The following SLC27A1 variants were observed in gnomAD, a reference collection of about 807,000 sequenced individuals.
SLC27A1 encodes the protein solute carrier family 27 member 1, also known as long-chain fatty acid transport protein 1.
SLC27A1 carries 61 observed loss-of-function variants against 62.2 expected under a neutral mutation model. That is an observed-to-expected ratio of 0.98 (90% CI 0.80 to 1.21). SLC27A1 has a LOEUF of 1.21. Among genes scored for constraint, SLC27A1 ranks in the 50% most tolerant of loss-of-function variants. The probability of loss-of-function intolerance (pLI) is 0.00; values close to 1 mark genes in which losing one functional copy is unlikely to be tolerated. For missense variants in SLC27A1, 903 were observed against 932.1 expected (o/e 0.97, Z 0.41); for synonymous variants, 435 against 408.6 (o/e 1.06, Z -0.78).
chr19:17,470,149 G>T (rs921206010), upstream of SLC27A1, among the ~76,000 whole-genome samples: 14 of 152,136 alleles, frequency 9.2e-5, no homozygotes, highest in Middle Eastern at 3.4e-3. Flanking sequence ...GACAGTGACC[G>T]ACAAGGTGGA....
At chr19:17,489,256 T>G in intron 6 of SLC27A1, 139 bp downstream of exon 6, 1 of 675,694 alleles carries the variant, frequency 1.5e-6, no homozygotes, top group South Asian at 1.9e-5. Context: ...GGTCCCGTCC[T>G]CTCCCAGCCA....
chr19:17,469,908 G>A (rs1016030444), upstream of SLC27A1, among the ~76,000 whole-genome samples: 1 of 147,288 alleles, frequency 6.8e-6, no homozygotes, highest in African/African-American at 2.5e-5. Flanking sequence ...ATTGCGGGGG[G>A]GTGGGGAGGC....
chr19:17,504,909 T>C lies in SLC27A1; in HGVS notation c.*297T>C. ...TTTTCTTTCTTTCTTTCTTTTTTTTTTAAGATAGAGTCTCACTCTGCTGCC... is the reference window on the plus strand; with the variant it reads ...TTTTCTTTCTTTCTTTCTTTTTTTTCTAAGATAGAGTCTCACTCTGCTGCC... On this transcript the variant is annotated 3_prime_UTR_variant, in exon 12 of 12. Coordinates refer to ENST00000252595, the MANE Select transcript of SLC27A1 (RefSeq NM_198580.3). The C allele has an allele frequency of 1.8e-6, 1 of 543,112 alleles. No homozygotes were observed. The allele number at this position is 543,112 out of a possible 1,614,324, so 33.6% of individuals were successfully genotyped here.
At chr19:17,484,631 G>A (rs2075211032) in intron 1 of SLC27A1, among the ~76,000 whole-genome samples, 1 of 152,084 alleles carries the variant, frequency 6.6e-6, no homozygotes, top group Admixed American at 6.6e-5. Context: ...ATGACGGAGG[G>A]AGGGAAAGAG....
At chr19:17,488,315 G>A (rs562261817) in intron 4 of SLC27A1, among the ~76,000 whole-genome samples, 32 of 152,160 alleles carry the variant, frequency 2.1e-4, no homozygotes, top group Non-Finnish European at 4.3e-4. Flanking sequence ...CTGAGATCCC[G>A]CCACTGCACT....
At chr19:17,487,553 C>A (rs777348834) in intron 4 of SLC27A1, 24 bp downstream of exon 4, 4 of 1,606,450 alleles carry the variant, frequency 2.5e-6, no homozygotes, top group Non-Finnish European at 1.7e-6. Context: ...AGGCATAATG[C>A]CCTCAGCCGC....
At chr19:17,480,851 C>T (rs1431054000) in intron 1 of SLC27A1, among the ~76,000 whole-genome samples, 1 of 151,638 alleles carries the variant, frequency 6.6e-6, no homozygotes, top group Non-Finnish European at 1.5e-5. Context: ...TTCCCAGTGT[C>T]TGTTGTTCCC....
intron 1 of SLC27A1, among the ~76,000 whole-genome samples, chr19:17,480,541 C>CTTTTTTTTTTTTTTTTTT (rs3079223): frequency 8.9e-6 from 1 of 111,818 alleles, no homozygotes; most frequent in Admixed American, 1.1e-4. Flanking sequence ...TAATTTTTTT[C>CTTTTTTTTTTTTTTTTTT]TTTTTTTTTT....
chr19:17,485,250 C>T (rs2075217921), intron 1 of SLC27A1, among the ~76,000 whole-genome samples: 2 of 128,566 alleles, frequency 1.6e-5, no homozygotes, highest in Non-Finnish European at 3.1e-5. Context: ...AGTGAATTTG[C>T]GTGATCTCGG....
In SLC27A1 at chr19:17,495,036, G is replaced by A. The variant is rs187586527; in HGVS notation, c.997-2219G>A. ...TCCCCAGGCTGGAGTACAATAGAGC[G>A]ATCTTGGCTTACTGCAACCTCTGCC... On this transcript the variant is annotated intron_variant, in intron 6 of 11. Coordinates refer to ENST00000252595, the MANE Select transcript of SLC27A1 (RefSeq NM_198580.3). Among the ~76,000 whole-genome samples the A allele has an allele frequency of 2.8e-3, 425 of 151,182 alleles. 3 individuals carry two copies. The highest frequency in any genetic ancestry group is 9.8e-3 in the African/African-American group (401 of 41,014).
Position 17,504,491 on chromosome 19 carries a change from A to AG in SLC27A1, c.1823dup (p.Phe609LeufsTer2). The AG allele has an allele frequency of 6.2e-7, 1 of 1,614,162 alleles. No individual in the cohort carries two copies. Among genetic ancestry groups the AG allele is most frequent in the Non-Finnish European group, 8.5e-7 (1 of 1,180,024 alleles). On this transcript the variant is annotated frameshift_variant, in exon 12 of 12. Coordinates refer to ENST00000252595, the MANE Select transcript of SLC27A1 (RefSeq NM_198580.3). LOFTEE classifies it low-confidence loss of function (END_TRUNC). ...ATCCAGAAGACGAGGCTGCAGCGAG[A>AG]GGGCTTTGACCCACGCCAGACCTCA...
rs2075465609 is a variant in SLC27A1 at position 17,505,196 on chromosome 19, C to T, written c.*584C>T. ...GGCGTGAGCCTCTGGCCCGGCCTTT[C>T]CTTTTTCCTCTCCTCTCCTGCCGAG... On this transcript the variant is annotated 3_prime_UTR_variant, in exon 12 of 12. Coordinates refer to ENST00000252595, the MANE Select transcript of SLC27A1 (RefSeq NM_198580.3). The T allele has an allele frequency of 3.3e-6, 1 of 299,122 alleles. No individual in the cohort carries two copies. Among genetic ancestry groups the T allele is most frequent in the Admixed American group, 4.8e-5 (1 of 20,942 alleles). The allele number at this position is 299,122 out of a possible 1,614,324, so 18.5% of individuals were successfully genotyped here.
chr19:17,486,452 C>A lies in SLC27A1; in HGVS notation c.168-111C>A. 2 of 1,303,586 alleles carry A rather than the reference C, an allele frequency of 1.5e-6. No homozygotes were observed. The highest frequency in any genetic ancestry group is 2.1e-6 in the Non-Finnish European group (2 of 973,754). 80.8% of individuals were successfully genotyped at this position (1,303,586 alleles called of 1,614,324 possible). Reference sequence around the variant, plus strand: ...AGCCACCAAAAGTTTCACCATAGACCTCATCAAAGCCCCTGGCTGCCCTGG... The same window carrying A: ...AGCCACCAAAAGTTTCACCATAGACATCATCAAAGCCCCTGGCTGCCCTGG... On this transcript the variant is annotated intron_variant, in intron 1 of 11. Coordinates refer to ENST00000252595, the MANE Select transcript of SLC27A1 (RefSeq NM_198580.3). The surrounding 1 kb of genome is among the most constrained non-coding windows in gnomAD (Gnocchi z 6.6).
chr19:17,484,651 T>G, intron 1 of SLC27A1, among the ~76,000 whole-genome samples: 1 of 146,502 alleles, frequency 6.8e-6, no homozygotes, highest in Non-Finnish European at 1.5e-5. Context: ...GTGAGTGAAG[T>G]AGGGAATGAG....
At chr19:17,497,732 G>A (rs1178477456) in intron 7 of SLC27A1, 5 of 484,586 alleles carry the variant, frequency 1.0e-5, no homozygotes, top group East Asian at 8.5e-5. Flanking sequence ...GCCCTGGCAA[G>A]TGCCTCAGCC....
intron 1 of SLC27A1, 70 bp downstream of exon 1, chr19:17,470,777 C>T: frequency 8.6e-7 from 1 of 1,159,766 alleles, no homozygotes; most frequent in Non-Finnish European, 1.1e-6. Context: ...CGGTGCAGGG[C>T]TGGGTTGCGG....
chr19:17,502,333 GTGTTTTTTT>G (rs1199901807), intron 11 of SLC27A1, among the ~76,000 whole-genome samples: 8,340 of 88,140 alleles, frequency 0.095, 637 homozygotes, highest in Non-Finnish European at 0.11. Context: ...TTCTGAAATA[GTGTTTTTTT>G]TGTTTTTTTT....
chr19:17,497,515 C>G (rs1009471540), intron 7 of SLC27A1, 51 bp downstream of exon 7: 1 of 1,491,328 alleles, frequency 6.7e-7, no homozygotes, highest in South Asian at 1.2e-5. Flanking sequence ...GGGAAGACCA[C>G]TGTCTCCTCT....
chr19:17,501,802 C>CAAAA (rs71162147), intron 11 of SLC27A1, among the ~76,000 whole-genome samples: 2 of 66,098 alleles, frequency 3.0e-5, no homozygotes, highest in African/African-American at 1.4e-4. Context: ...TACTCTGTCT[C>CAAAA]AAAAAAAAAA....
Sources: allele counts gnomAD v4.1 joint callset (sites outside exome capture counted in the v4.1 genomes callset), GRCh38; gene constraint gnomAD v4.1.1; non-coding constraint Gnocchi (gnomAD v3.1); transcripts MANE v1.5; gene names NCBI Gene and HGNC (gene_info 2026-07-23, HGNC 2026-07-21).